Variants in SLAIN1 observed in about 807,000 individuals in gnomAD.
SLAIN1 encodes the protein SLAIN family member 1, also known as SLAIN motif-containing protein 1.
A neutral mutation model predicts 55.4 loss-of-function variants in SLAIN1; 17 were observed. The observed-to-expected ratio is 0.31, with a 90% confidence interval of 0.21 to 0.46. SLAIN1 has a LOEUF of 0.46. SLAIN1 is among the 20% of genes least tolerant of loss of function. SLAIN1 has a pLI of 1.00. For synonymous variants in SLAIN1, 348 were observed against 337.4 expected, an observed-to-expected ratio of 1.03 and a Z score of -0.35; for missense variants, 682 against 785.1, an observed-to-expected ratio of 0.87 and a Z score of 1.57.
chr13:77,746,726 T>C lies in SLAIN1; in HGVS notation c.1129T>C (p.Phe377Leu). 6.2e-7 allele frequency: 1 copy of C among 1,613,854 alleles called. No individual in the cohort carries two copies. The highest frequency in any genetic ancestry group is 8.5e-7 in the Non-Finnish European group (1 of 1,179,842). ...AAGAGGAATTCCCCATTCACAGACT[T>C]TCTCCAGCATTCGGGAGTGTAGGAG... is the stretch of plus-strand genomic sequence containing the variant. The part of the protein sequence containing the change: ...FQRGIPHSQT[F>L]SSIRECRRSP... The change falls in exon 4 of 7, where the codon TTC becomes CTC. Residue 377 changes from phenylalanine (F) to leucine (L), a missense_variant. Physicochemically the swap from Phe to Leu is conservative, Grantham distance 22 (BLOSUM62 0). This residue lies in a region of SLAIN1 where 244 missense variants were observed against 295.2 expected (regional missense o/e 0.83). Transcript: ENST00000418532.
At chr13:77,744,092 T>G (rs899342809) in intron 2 of SLAIN1, 191 bp from the exon 3 acceptor site, 13 of 589,156 alleles carry the variant, frequency 2.2e-5, no homozygotes, top group Non-Finnish European at 1.2e-5. Context: ...TTGAAAACAA[T>G]GAACAAGTGG....
At chr13:77,751,320 G>A (rs1486767109) in intron 4 of SLAIN1, among the ~76,000 whole-genome samples, 10 of 152,066 alleles carry the variant, frequency 6.6e-5, no homozygotes, top group Admixed American at 2.0e-4. Flanking sequence ...TATTTTATTT[G>A]GGAAAAAATT....
At chr13:77,739,316 A>C (rs1234675547) in intron 2 of SLAIN1, among the ~76,000 whole-genome samples, 2 of 152,064 alleles carry the variant, frequency 1.3e-5, no homozygotes, top group East Asian at 3.9e-4. Context: ...GGAGTGGTAG[A>C]ATGGTTTGAG....
Position 77,710,260 on chromosome 13 carries a change from C to T in SLAIN1, c.627-9272C>T, listed in dbSNP as rs545303696. Among the ~76,000 whole-genome samples, 278 of 151,792 alleles carry T rather than the reference C, an allele frequency of 1.8e-3. 2 individuals are homozygous for T. Among genetic ancestry groups the T allele is most frequent in the Non-Finnish European group, 3.0e-3 (207 of 67,920 alleles). ...CCTTAAACGTAAATGGGATAAATACCCCAATTAAAAGACACAGATTGGCAA... is the reference window on the plus strand; with the variant it reads ...CCTTAAACGTAAATGGGATAAATACTCCAATTAAAAGACACAGATTGGCAA... On this transcript the variant is annotated intron_variant, in intron 1 of 6. Transcript: ENST00000418532.
At chr13:77,708,357 A>C (rs534683208) in intron 1 of SLAIN1, among the ~76,000 whole-genome samples, 1 of 152,208 alleles carries the variant, frequency 6.6e-6, no homozygotes, top group East Asian at 1.9e-4. Context: ...GAGATCAGCA[A>C]TTCTCCCATT....
chr13:77,757,725 G>C (rs1874707901), intron 5 of SLAIN1, among the ~76,000 whole-genome samples: 1 of 152,032 alleles, frequency 6.6e-6, no homozygotes, highest in African/African-American at 2.4e-5. Context: ...TAGAATAATG[G>C]CCTCTGGTTC....
intron 1 of SLAIN1, among the ~76,000 whole-genome samples, chr13:77,713,226 A>G (rs2091170934): frequency 6.6e-6 from 1 of 152,312 alleles, no homozygotes; most frequent in East Asian, 1.9e-4. Flanking sequence ...TAATTAAACT[A>G]AAGAGCTTAT....
chr13:77,739,620 A>G (rs948921303), intron 2 of SLAIN1, among the ~76,000 whole-genome samples: 1 of 152,122 alleles, frequency 6.6e-6, no homozygotes, highest in Non-Finnish European at 1.5e-5. Context: ...CTATTTAACA[A>G]CAATTTGAAT....
intron 4 of SLAIN1, among the ~76,000 whole-genome samples, chr13:77,751,644 G>A (rs1874219166): frequency 6.6e-6 from 1 of 152,172 alleles, no homozygotes; most frequent in South Asian, 2.1e-4. Context: ...CCCTGTGGTC[G>A]GGGAGCAGGC....
intron 2 of SLAIN1, among the ~76,000 whole-genome samples, chr13:77,731,431 T>C (rs1174170415): frequency 2.0e-5 from 3 of 152,162 alleles, no homozygotes; most frequent in African/African-American, 7.2e-5. Flanking sequence ...GTCTGGATTT[T>C]ATCTTAAAAT....
At chr13:77,711,580 T>C (rs552963712) in intron 1 of SLAIN1, among the ~76,000 whole-genome samples, 3 of 152,272 alleles carry the variant, frequency 2.0e-5, no homozygotes, top group African/African-American at 7.2e-5. Flanking sequence ...AAGGCAGTAA[T>C]TAATAACCTA....
chr13:77,720,427 G>A (rs914403601), intron 2 of SLAIN1, among the ~76,000 whole-genome samples: 5 of 152,104 alleles, frequency 3.3e-5, no homozygotes, highest in Non-Finnish European at 4.4e-5. Flanking sequence ...ACTGTTTGAG[G>A]GTAGAGTCAG....
intron 4 of SLAIN1, among the ~76,000 whole-genome samples, chr13:77,752,484 A>C (rs1874299784): frequency 6.6e-6 from 1 of 152,074 alleles, no homozygotes; most frequent in African/African-American, 2.4e-5. Context: ...ACATTGTATT[A>C]GTTAGGGTTC....
intron 1 of SLAIN1, among the ~76,000 whole-genome samples, chr13:77,712,615 G>A (rs1336527476): frequency 3.9e-5 from 6 of 152,068 alleles, no homozygotes; most frequent in Admixed American, 2.0e-4. Context: ...AATCAATATC[G>A]TCAAAATGGC....
chr13:77,747,411 T>C (rs1442190005), intron 4 of SLAIN1, among the ~76,000 whole-genome samples: 1 of 152,174 alleles, frequency 6.6e-6, no homozygotes, highest in Non-Finnish European at 1.5e-5. Flanking sequence ...CATAGCTGGC[T>C]CGGAATGAGT....
intron 2 of SLAIN1, among the ~76,000 whole-genome samples, chr13:77,727,742 T>C (rs1432105043): frequency 2.0e-5 from 3 of 152,208 alleles, no homozygotes. Flanking sequence ...GAGATGGTTG[T>C]CCTTATTTCT....
chr13:77,748,581 A>G (rs1386559668), intron 4 of SLAIN1, among the ~76,000 whole-genome samples: 1 of 152,102 alleles, frequency 6.6e-6, no homozygotes, highest in Non-Finnish European at 1.5e-5. Context: ...TTTGAAAAGG[A>G]TTAGGTTTCT....
chr13:77,721,160 G>C (rs1329483924), intron 2 of SLAIN1, among the ~76,000 whole-genome samples: 1 of 152,142 alleles, frequency 6.6e-6, no homozygotes, highest in South Asian at 2.1e-4. Context: ...CCCCCATGCT[G>C]TTCTCATGAT....
At chr13:77,702,321 C>G (rs1218386558) in intron 1 of SLAIN1, among the ~76,000 whole-genome samples, 1 of 151,850 alleles carries the variant, frequency 6.6e-6, no homozygotes, top group African/African-American at 2.4e-5. Flanking sequence ...AGGCCATTGG[C>G]TAGAAAGGAA....
Sources: gnomAD v4.1 joint callset for allele counts (sites outside exome capture counted in the v4.1 genomes callset) on GRCh38, gnomAD v4.1.1 for gene constraint, gnomAD v4.1.1 regional missense constraint, MANE v1.5 for transcripts, NCBI Gene and HGNC (gene_info 2026-07-23, HGNC 2026-07-21) for gene names.